The following DOK6 variants were observed in gnomAD, a reference collection of about 807,000 sequenced individuals.
DOK6 encodes downstream of tyrosine kinase 6.
DOK6 carries 22 observed loss-of-function variants against 44.0 expected under a neutral mutation model. The ratio of observed to expected loss-of-function variants is 0.50; its 90% CI spans 0.36 to 0.71. The LOEUF is 0.71. Among genes scored for constraint, DOK6 ranks in the 30% least tolerant of loss-of-function variants. The pLI is 0.00. For missense variants in DOK6, 340 were observed against 416.4 expected, an observed-to-expected ratio of 0.82 and a Z score of 1.60; for synonymous variants, 166 against 145.5, an observed-to-expected ratio of 1.14 and a Z score of -1.01.
intron 3 of DOK6, among the ~76,000 whole-genome samples, chr18:69,666,471 G>C (rs1289215219): frequency 1.3e-5 from 2 of 151,712 alleles, no homozygotes; most frequent in Non-Finnish European, 2.9e-5. Context: ...TGTTAGGCAC[G>C]CACCTGTAAC....
intron 2 of DOK6, among the ~76,000 whole-genome samples, chr18:69,565,019 A>G (rs894414836): frequency 6.6e-6 from 1 of 152,212 alleles, no homozygotes; most frequent in Non-Finnish European, 1.5e-5. Context: ...AAGCTCCTTA[A>G]CAAGAAAATG....
chr18:69,688,051 G>T (rs541928728), intron 4 of DOK6, among the ~76,000 whole-genome samples: 1 of 151,914 alleles, frequency 6.6e-6, no homozygotes, highest in East Asian at 1.9e-4. Flanking sequence ...TTCATATAAT[G>T]CAATTAATAT....
chr18:69,594,466 G>A (rs1030524770), intron 2 of DOK6, among the ~76,000 whole-genome samples: 2 of 151,056 alleles, frequency 1.3e-5, no homozygotes, highest in African/African-American at 4.9e-5. Context: ...ATAAATAACA[G>A]ATATATTAAA....
intron 1 of DOK6, among the ~76,000 whole-genome samples, chr18:69,413,672 G>C (rs1192257974): frequency 6.6e-6 from 1 of 151,790 alleles, no homozygotes; most frequent in African/African-American, 2.4e-5. Flanking sequence ...AACATTAGAA[G>C]AAAATCTAGG....
At chr18:69,835,558 T>C (rs1599352219) in intron 7 of DOK6, among the ~76,000 whole-genome samples, 1 of 152,156 alleles carries the variant, frequency 6.6e-6, no homozygotes, top group South Asian at 2.1e-4. Context: ...GGCTCTCTTC[T>C]GTACCCAAGT....
intron 1 of DOK6, among the ~76,000 whole-genome samples, chr18:69,405,358 G>A (rs138414568): frequency 3.1e-4 from 47 of 152,180 alleles, no homozygotes; most frequent in Admixed American, 2.6e-3. Flanking sequence ...GGTGGCTCAC[G>A]CCTGTAATCC....
At chr18:69,632,384 T>C (rs1984709320) in intron 3 of DOK6, among the ~76,000 whole-genome samples, 1 of 152,218 alleles carries the variant, frequency 6.6e-6, no homozygotes, top group Non-Finnish European at 1.5e-5. Flanking sequence ...TTGAAACTTA[T>C]TATTTACAAT....
intron 5 of DOK6, among the ~76,000 whole-genome samples, chr18:69,703,516 G>A (rs886179283): frequency 1.3e-5 from 2 of 152,150 alleles, no homozygotes; most frequent in Non-Finnish European, 2.9e-5. Flanking sequence ...TAGGAACATA[G>A]GTTAAGTTGT....
intron 5 of DOK6, among the ~76,000 whole-genome samples, chr18:69,716,248 A>C (rs939776211): frequency 6.6e-6 from 1 of 152,186 alleles, no homozygotes; most frequent in Non-Finnish European, 1.5e-5. Context: ...TTATTGAGGG[A>C]ATTTGTAATT....
intron 7 of DOK6, among the ~76,000 whole-genome samples, chr18:69,760,358 C>A (rs115284454): frequency 0.014 from 2,135 of 152,206 alleles, 50 homozygotes; most frequent in African/African-American, 0.049. Flanking sequence ...CCACTGAGTG[C>A]GGTGGCTCAT....
chr18:69,405,429 A>G (rs534897191), intron 1 of DOK6, among the ~76,000 whole-genome samples: 13 of 152,232 alleles, frequency 8.5e-5, no homozygotes, highest in African/African-American at 3.1e-4. Flanking sequence ...AATTACAGAA[A>G]GTCAGCGGGG....
chr18:69,666,650 T>C (rs947482169), intron 3 of DOK6, among the ~76,000 whole-genome samples: 4 of 152,180 alleles, frequency 2.6e-5, no homozygotes, highest in South Asian at 2.1e-4. Context: ...GTTTTCCACA[T>C]AGTGGGACTC....
At chr18:69,585,899 T>A (rs1346933489) in intron 2 of DOK6, among the ~76,000 whole-genome samples, 2 of 152,224 alleles carry the variant, frequency 1.3e-5, no homozygotes, top group Non-Finnish European at 2.9e-5. Flanking sequence ...ATGTCAGCAA[T>A]CTGTCCCTAA....
At chr18:69,432,333 A>G (rs978521746) in intron 1 of DOK6, among the ~76,000 whole-genome samples, 1 of 152,174 alleles carries the variant, frequency 6.6e-6, no homozygotes, top group Non-Finnish European at 1.5e-5. Flanking sequence ...AGTCCCAGCT[A>G]CTTGGGATGC....
chr18:69,799,447 C>G (rs1419576232), intron 7 of DOK6, among the ~76,000 whole-genome samples: 1 of 151,792 alleles, frequency 6.6e-6, no homozygotes, highest in Non-Finnish European at 1.5e-5. Flanking sequence ...ATTCTGAAAT[C>G]ACTAAAATTG....
chr18:69,620,593 G>A lies in DOK6; in HGVS notation c.289+21095G>A, dbSNP rs542856214. On this transcript the variant is annotated intron_variant, in intron 3 of 7. Transcript: ENST00000382713. ...TCTCTACACCTCTGATTCCCCTTAC[G>A]TGAATGGGGCCATAGCAATCCCACC... 7.9e-5 allele frequency among the ~76,000 whole-genome samples: 12 copies of A among 152,186 alleles called. No homozygotes were observed. The South Asian group carries it at 1.2e-3, about 16-fold the overall frequency.
chr18:69,404,924 G>A (rs796417551), intron 1 of DOK6, among the ~76,000 whole-genome samples: 4 of 152,106 alleles, frequency 2.6e-5, no homozygotes, highest in African/African-American at 9.6e-5. Flanking sequence ...TGTTAAGCCT[G>A]AATTAGTTAT....
intron 1 of DOK6, among the ~76,000 whole-genome samples, chr18:69,433,275 A>G (rs1732180718): frequency 6.6e-6 from 1 of 152,166 alleles, no homozygotes; most frequent in Admixed American, 6.5e-5. Context: ...TTAGAAAGCA[A>G]GTTTCAATTT....
chr18:69,457,691 A>C (rs930595226), intron 1 of DOK6, among the ~76,000 whole-genome samples: 2 of 152,122 alleles, frequency 1.3e-5, no homozygotes, highest in African/African-American at 4.8e-5. Flanking sequence ...TGGTAGTTTG[A>C]TAGGAATAGC....
Sources: gnomAD v4.1 joint callset for allele counts (sites outside exome capture counted in the v4.1 genomes callset) on GRCh38, gnomAD v4.1.1 for gene constraint, MANE v1.5 for transcripts, NCBI Gene and HGNC (gene_info 2026-07-23, HGNC 2026-07-21) for gene names.